The following DLGAP1 variants were observed in gnomAD, a reference collection of about 807,000 sequenced individuals.
DLGAP1 encodes the protein DLG associated protein 1, also known as disks large-associated protein 1.
A neutral mutation model predicts 90.8 loss-of-function variants in DLGAP1; 11 were observed. The observed-to-expected ratio is 0.12, with a 90% CI of 0.08 to 0.20. DLGAP1 has a LOEUF of 0.20. Among genes scored for constraint, DLGAP1 ranks in the 10% least tolerant of loss-of-function variants. The pLI is 1.00. For missense variants in DLGAP1, 1,050 were observed against 1,333.8 expected (o/e 0.79, Z 3.31); for synonymous variants, 558 against 540.7 (o/e 1.03, Z -0.44).
intron 5 of DLGAP1, among the ~76,000 whole-genome samples, chr18:3,750,341 G>A (rs2063448430): frequency 1.3e-5 from 2 of 152,168 alleles, no homozygotes; most frequent in Non-Finnish European, 2.9e-5. Context: ...TGGTGTGTAT[G>A]CACCATATTT....
chr18:3,587,509 A>G (rs962833119), intron 7 of DLGAP1, among the ~76,000 whole-genome samples: 1 of 152,178 alleles, frequency 6.6e-6, no homozygotes, highest in Non-Finnish European at 1.5e-5. Flanking sequence ...CGGACCAATC[A>G]ACACTCTGTA....
chr18:4,415,850 A>G (rs1438699901), intron 1 of DLGAP1, among the ~76,000 whole-genome samples: 1 of 152,204 alleles, frequency 6.6e-6, no homozygotes. Flanking sequence ...CTGGAATTCA[A>G]TAAAGACAGG....
chr18:4,134,739 C>A (rs868664882), intron 2 of DLGAP1, among the ~76,000 whole-genome samples: 1 of 151,938 alleles, frequency 6.6e-6, no homozygotes, highest in African/African-American at 2.4e-5. Flanking sequence ...TTCTTATTAC[C>A]GAAGACCCAG....
chr18:3,938,865 A>G (rs1020165490), intron 3 of DLGAP1, among the ~76,000 whole-genome samples: 2 of 152,216 alleles, frequency 1.3e-5, no homozygotes, highest in Non-Finnish European at 2.9e-5. Context: ...ACTGGAAACA[A>G]AGAAAGCAGG....
chr18:3,534,137 C>T, intron 10 of DLGAP1, 57 bp downstream of exon 10: 5 of 1,559,062 alleles, frequency 3.2e-6, no homozygotes, highest in South Asian at 1.2e-5. Context: ...AAGGTCTGCA[C>T]ACACAAAGCA....
intron 1 of DLGAP1, among the ~76,000 whole-genome samples, chr18:4,420,586 C>T (rs2083007099): frequency 7.3e-6 from 1 of 136,980 alleles, no homozygotes; most frequent in Admixed American, 7.5e-5. Context: ...TCTGTCCTCA[C>T]CTAAGTTTTC....
chr18:4,454,779 G>T lies in DLGAP1; in HGVS notation c.-267+227C>A, dbSNP rs1471242686. 6.6e-6 allele frequency among the ~76,000 whole-genome samples: 1 copy of T among 151,810 alleles called. No individual in the cohort carries two copies. The highest frequency in any genetic ancestry group is 6.6e-5 in the Admixed American group (1 of 15,266). The stretch of plus-strand genomic sequence containing the variant: ...CCGCATGGCCGGAGAGGACGCGCTC[G>T]CCCCCGAGATCCCAGGTTACCCGGA... On this transcript the variant is annotated intron_variant, in intron 1 of 12. Coordinates refer to ENST00000315677, the MANE Select transcript of DLGAP1 (RefSeq NM_004746.4). This position sits in a 1 kb window ranked among gnomAD's most constrained non-coding sequence, Gnocchi z 4.7.
chr18:3,641,307 G>C (rs751927797), intron 7 of DLGAP1, among the ~76,000 whole-genome samples: 2 of 151,712 alleles, frequency 1.3e-5, no homozygotes, highest in Non-Finnish European at 2.9e-5. Context: ...CAGAAATTTG[G>C]GAGGCCAAGG....
At chr18:3,784,456 C>T (rs562198578) in intron 5 of DLGAP1, among the ~76,000 whole-genome samples, 11 of 152,200 alleles carry the variant, frequency 7.2e-5, no homozygotes, top group South Asian at 6.2e-4. Flanking sequence ...TTGGGTCTGC[C>T]GTGTATGTGT....
intron 4 of DLGAP1, among the ~76,000 whole-genome samples, chr18:3,818,811 GTCTCAAACTCCTGACCTC>G (rs1568186522): frequency 1.3e-5 from 2 of 151,422 alleles, no homozygotes; most frequent in Non-Finnish European, 2.9e-5. Context: ...GGCCAGGCTG[GTCTCAAACTCCTGACCTC>G]ATGATCTGCC....
chr18:4,452,698 A>G (rs963017940), intron 1 of DLGAP1, among the ~76,000 whole-genome samples: 2 of 152,148 alleles, frequency 1.3e-5, no homozygotes, highest in African/African-American at 4.8e-5. Flanking sequence ...TGCTTTCACT[A>G]ATCGCTAATA....
chr18:3,926,409 TATATATATATATACAC>T (rs1568303343), intron 3 of DLGAP1, among the ~76,000 whole-genome samples: 1 of 36,006 alleles, frequency 2.8e-5, no homozygotes, highest in Non-Finnish European at 6.9e-5. Flanking sequence ...GACATATATA[TATATATATATATACAC>T]ACACACACAC....
In DLGAP1 at chr18:4,088,344, CT is replaced by C. The variant is rs370541409; in HGVS notation, c.-159+62835del. 6.4e-4 allele frequency among the ~76,000 whole-genome samples: 97 copies of C among 152,118 alleles called. 2 individuals are homozygous for C. In the South Asian group the frequency reaches 0.02, roughly 31 times the overall value. On this transcript the variant is annotated intron_variant, in intron 2 of 12. Coordinates refer to ENST00000315677, the MANE Select transcript of DLGAP1 (RefSeq NM_004746.4). The stretch of plus-strand genomic sequence containing the variant: ...ATAAACCAGCAACACAATGCTACTA[CT>C]TTTCCTTTAGACAGTCAACTATCTC...
intron 4 of DLGAP1, among the ~76,000 whole-genome samples, chr18:3,817,072 C>T (rs1156232940): frequency 6.6e-6 from 1 of 151,884 alleles, no homozygotes; most frequent in African/African-American, 2.4e-5. Context: ...TTCAGAGCCT[C>T]ATTATAGGTT....
intron 2 of DLGAP1, among the ~76,000 whole-genome samples, chr18:4,008,389 C>G (rs761399256): frequency 1.6e-4 from 24 of 152,054 alleles, no homozygotes; most frequent in Non-Finnish European, 3.1e-4. Flanking sequence ...ACAAAAAATA[C>G]CTATTTTCGC....
chr18:3,594,385 A>T (rs2056459802), intron 7 of DLGAP1: 1 of 146,886 alleles, frequency 6.8e-6, no homozygotes, highest in Non-Finnish European at 1.5e-5. Flanking sequence ...GTCTGTAAAA[A>T]ACAAAACATT....
chr18:3,704,545 C>A (rs2061376812), intron 7 of DLGAP1, among the ~76,000 whole-genome samples: 1 of 151,752 alleles, frequency 6.6e-6, no homozygotes, highest in Non-Finnish European at 1.5e-5. Context: ...ACTCCAGACT[C>A]CAGCCTGGGT....
At chr18:3,575,049 C>T (rs956833141) in intron 8 of DLGAP1, among the ~76,000 whole-genome samples, 10 of 152,210 alleles carry the variant, frequency 6.6e-5, no homozygotes, top group African/African-American at 2.4e-4. Flanking sequence ...CTCCTGACCT[C>T]GTGATCTGCC....
intron 7 of DLGAP1, among the ~76,000 whole-genome samples, chr18:3,659,631 T>C (rs2059618718): frequency 6.6e-6 from 1 of 151,744 alleles, no homozygotes; most frequent in South Asian, 2.1e-4. Context: ...AGTGGTGCAA[T>C]CTCGGCTCAC....
Sources: gnomAD v4.1 joint callset for allele counts (sites outside exome capture counted in the v4.1 genomes callset) on GRCh38, gnomAD v4.1.1 for gene constraint, Gnocchi (gnomAD v3.1) non-coding constraint, MANE v1.5 for transcripts, NCBI Gene and HGNC (gene_info 2026-07-23, HGNC 2026-07-21) for gene names.